The following XRN2 variants were observed in gnomAD, a reference collection of about 807,000 sequenced individuals.
XRN2 encodes the protein DHM1-like protein.
XRN2 carries 44 observed loss-of-function variants against 138.5 expected under a neutral mutation model. That is an observed-to-expected ratio of 0.32 (90% CI 0.25 to 0.41). XRN2 has a LOEUF of 0.41. Ranked by LOEUF, XRN2 falls within the 10% of genes least tolerant of loss-of-function variation. The pLI, the probability that XRN2 is intolerant of heterozygous loss-of-function variation, is 1.00. For synonymous variants in XRN2, 354 were observed against 369.4 expected, an observed-to-expected ratio of 0.96 and a Z score of 0.48; for missense variants, 937 against 1,169.3, an observed-to-expected ratio of 0.80 and a Z score of 2.90.
At chr20:21,370,933 G>C (rs1267523281) in intron 27 of XRN2, among the ~76,000 whole-genome samples, 1 of 152,130 alleles carries the variant, frequency 6.6e-6, no homozygotes, top group East Asian at 1.9e-4. Flanking sequence ...TGGTTGTCTG[G>C]TTGCCACAAG....
chr20:21,364,433 A>G (rs2038671143), intron 24 of XRN2, among the ~76,000 whole-genome samples: 2 of 152,164 alleles, frequency 1.3e-5, no homozygotes, highest in Non-Finnish European at 2.9e-5. Context: ...ACACACATAC[A>G]TACCACTACC....
intron 1 of XRN2, among the ~76,000 whole-genome samples, chr20:21,312,803 C>T (rs2037900926): frequency 6.6e-6 from 1 of 151,934 alleles, no homozygotes; most frequent in African/African-American, 2.4e-5. Context: ...GGTTTCACCA[C>T]GTTGGCTAAG....
chr20:21,367,362 T>A (rs573359282), intron 26 of XRN2, among the ~76,000 whole-genome samples: 2 of 152,314 alleles, frequency 1.3e-5, no homozygotes, highest in South Asian at 4.1e-4. Context: ...TATAAATAGA[T>A]GTTTCCAGTT....
intron 1 of XRN2, among the ~76,000 whole-genome samples, chr20:21,317,895 G>A (rs1021736330): frequency 2.6e-5 from 4 of 152,116 alleles, no homozygotes; most frequent in African/African-American, 9.7e-5. Flanking sequence ...AGAGATGCTG[G>A]TCTGCAGTTT....
intron 26 of XRN2, among the ~76,000 whole-genome samples, chr20:21,366,414 G>C (rs1017486421): frequency 2.0e-5 from 3 of 150,678 alleles, no homozygotes; most frequent in Admixed American, 6.6e-5. Context: ...TCTGGGCATG[G>C]TGGCAGGCGC....
chr20:21,330,568 T>C, intron 5 of XRN2, 29 bp downstream of exon 5: 1 of 1,613,690 alleles, frequency 6.2e-7, no homozygotes, highest in Non-Finnish European at 8.5e-7. Context: ...TGCTAGCTAT[T>C]GCTAACTCTT....
intron 29 of XRN2, 65 bp downstream of exon 29, chr20:21,387,071 C>T (rs1006803500): frequency 1.8e-5 from 27 of 1,533,574 alleles, no homozygotes; most frequent in Admixed American, 7.5e-5. Context: ...CACAGGACTC[C>T]GTATTTTCTT....
At chr20:21,336,614 T>G (rs1398159603) in intron 13 of XRN2, among the ~76,000 whole-genome samples, 2 of 152,250 alleles carry the variant, frequency 1.3e-5, no homozygotes, top group East Asian at 3.8e-4. Flanking sequence ...CAGACAGTGT[T>G]CTGAGTGCTA....
rs869071652 is a variant in XRN2, at chr20:21,353,223, G to GATATAT, written c.1937-1529_1937-1524dup. ...AAATATAAATAAATGTAGTGGGTAG[G>GATATAT]ATATATATATATATATATATATATA... On this transcript the variant is annotated intron_variant, in intron 20 of 29. Coordinates refer to ENST00000377191, the MANE Select transcript of XRN2 (RefSeq NM_012255.5). Among the ~76,000 whole-genome samples the GATATAT allele has an allele frequency of 2.6e-3, 294 of 113,632 alleles. 3 individuals carry two copies. The highest frequency in any genetic ancestry group is 5.9e-3 in the African/African-American group (162 of 27,340). 74.5% of individuals were successfully genotyped at this position (113,632 alleles called of 152,430 possible). A position where few individuals can be genotyped will look rare whatever the true frequency, so the allele number is the denominator to read the frequency against.
Position 21,331,436 on chromosome 20 carries a change from CA to C in XRN2, c.577-124del, listed in dbSNP as rs869261119. On this transcript the variant is annotated intron_variant, in intron 6 of 29. Coordinates refer to ENST00000377191, the MANE Select transcript of XRN2 (RefSeq NM_012255.5). ...ACACACACACACACACACACACACACACCCTTATTCAGAAAATTTTCCCGTA... is the reference window on the plus strand; with the variant it reads ...ACACACACACACACACACACACACACCCCTTATTCAGAAAATTTTCCCGTA... 762 of 726,184 alleles carry C rather than the reference CA, an allele frequency of 1.0e-3. 1 individual carries two copies. The highest frequency in any genetic ancestry group is 2.0e-3 in the East Asian group (66 of 33,712). The allele number at this position is 726,184 out of a possible 1,614,324, so 45.0% of individuals were successfully genotyped here. A position where few individuals can be genotyped will look rare whatever the true frequency, so the allele number is the denominator to read the frequency against.
chr20:21,366,577 G>GA (rs981860335), intron 26 of XRN2, among the ~76,000 whole-genome samples: 3 of 150,656 alleles, frequency 2.0e-5, no homozygotes, highest in African/African-American at 7.3e-5. Flanking sequence ...AAAAAAAAGG[G>GA]AAAAAAAGAA....
chr20:21,350,525 CAAAAAAAAAAAAAAAA>C (rs11484426), intron 20 of XRN2, among the ~76,000 whole-genome samples: 118 of 58,946 alleles, frequency 2.0e-3, no homozygotes, highest in African/African-American at 5.1e-3. Flanking sequence ...GACTCCGTCT[CAAAAAAAAAAAAAAAA>C]AAAAAAAAAA....
chr20:21,376,570 C>G (rs2038825441), intron 27 of XRN2, among the ~76,000 whole-genome samples: 1 of 152,124 alleles, frequency 6.6e-6, no homozygotes, highest in Non-Finnish European at 1.5e-5. Flanking sequence ...AGATACCTCT[C>G]CATTGTAGAA....
At chr20:21,309,208 G>C (rs879506123) in intron 1 of XRN2, among the ~76,000 whole-genome samples, 12 of 152,172 alleles carry the variant, frequency 7.9e-5, no homozygotes, top group Admixed American at 3.3e-4. Context: ...CAGTTTTTTG[G>C]AAGAGTTTGT....
At chr20:21,341,642 G>A (rs753720088) in intron 15 of XRN2, among the ~76,000 whole-genome samples, 1 of 152,216 alleles carries the variant, frequency 6.6e-6, no homozygotes, top group Non-Finnish European at 1.5e-5. Flanking sequence ...AACAGTAGAG[G>A]AAGGAACATA....
chr20:21,366,890 A>G (rs761879064), intron 26 of XRN2, among the ~76,000 whole-genome samples: 15 of 152,204 alleles, frequency 9.9e-5, no homozygotes, highest in Admixed American at 2.0e-4. Context: ...TGAGAATTCT[A>G]TTACTTTCTC....
chr20:21,380,493 G>A (rs2038871882), intron 27 of XRN2, among the ~76,000 whole-genome samples: 1 of 152,110 alleles, frequency 6.6e-6, no homozygotes, highest in South Asian at 2.1e-4. Flanking sequence ...TTTTCTGATA[G>A]TGTATAGTCT....
intron 24 of XRN2, among the ~76,000 whole-genome samples, chr20:21,359,640 G>A (rs1244772936): frequency 1.3e-5 from 2 of 152,092 alleles, no homozygotes; most frequent in Middle Eastern, 6.3e-3. Flanking sequence ...GAAGATTTGT[G>A]GGAGACCAAA....
At chr20:21,319,285 G>A (rs2038005498) in intron 1 of XRN2, among the ~76,000 whole-genome samples, 1 of 152,060 alleles carries the variant, frequency 6.6e-6, no homozygotes, top group Non-Finnish European at 1.5e-5. Flanking sequence ...AATCTCAAGT[G>A]TATCTCCTGT....
Sources: allele counts gnomAD v4.1 joint callset (sites outside exome capture counted in the v4.1 genomes callset), GRCh38; gene constraint gnomAD v4.1.1; transcripts MANE v1.5; gene names NCBI Gene and HGNC (gene_info 2026-07-23, HGNC 2026-07-21).